The following NFIB variants were observed in gnomAD, a reference collection of about 807,000 sequenced individuals.
NFIB encodes nuclear factor I B.
In NFIB, 11 loss-of-function variants were observed where a neutral mutation model predicts 61.5. The observed-to-expected ratio is 0.18, with a 90% CI of 0.11 to 0.30. The LOEUF (loss-of-function observed/expected upper bound fraction) is 0.30. Among genes scored for constraint, NFIB ranks in the 10% least tolerant of loss-of-function variants. NFIB has a pLI of 1.00. For synonymous variants in NFIB, 260 were observed against 216.5 expected, an observed-to-expected ratio of 1.20 and a Z score of -1.76; for missense variants, 471 against 608.9, an observed-to-expected ratio of 0.77 and a Z score of 2.38.
intron 1 of NFIB, among the ~76,000 whole-genome samples, chr9:14,374,593 A>G (rs917587621): frequency 6.6e-6 from 1 of 152,238 alleles, no homozygotes; most frequent in African/African-American, 2.4e-5. Flanking sequence ...CTAAAAGAAG[A>G]AATGTCTTTT....
chr9:14,433,275 T>A, the NFIB span, among the ~76,000 whole-genome samples: 11 of 152,116 alleles, frequency 7.2e-5, no homozygotes, highest in African/African-American at 2.4e-4. Context: ...TCATTAAAAA[T>A]TTTTTTGCCA....
chr9:14,451,303 G>A, the NFIB span, among the ~76,000 whole-genome samples: 14 of 152,266 alleles, frequency 9.2e-5, no homozygotes, highest in African/African-American at 3.1e-4. Flanking sequence ...TTACATCTTT[G>A]TATACCTGAT....
At chr9:14,203,388 T>C (rs1416699117) in intron 2 of NFIB, among the ~76,000 whole-genome samples, 2 of 152,338 alleles carry the variant, frequency 1.3e-5, no homozygotes, top group Non-Finnish European at 2.9e-5. Flanking sequence ...ACCCGGTTAA[T>C]TGAAAAGTGG....
rs143475531 is a variant in NFIB, at chr9:14,336,597, C to T, written c.109-29077G>A. On this transcript the variant is annotated intron_variant, in intron 1 of 8. Transcript: ENST00000380934. ...CTTCTAGAGATATGCTCTGAAGCTG[C>T]GGTCCATAAGCCTTTTCTGTAAAGG... 5.4e-3 allele frequency among the ~76,000 whole-genome samples: 828 copies of T among 152,298 alleles called. 2 individuals are homozygous for T. The highest frequency in any genetic ancestry group is 8.2e-3 in the Non-Finnish European group (561 of 68,026).
intron 1 of NFIB, among the ~76,000 whole-genome samples, chr9:14,359,724 A>G (rs1158939252): frequency 1.3e-5 from 2 of 152,118 alleles, no homozygotes; most frequent in East Asian, 1.9e-4. Flanking sequence ...GGCAATGGGA[A>G]CTCAGCTTCT....
the NFIB span, among the ~76,000 whole-genome samples, chr9:14,426,014 C>A: frequency 6.6e-6 from 1 of 152,100 alleles, no homozygotes; most frequent in East Asian, 1.9e-4. Context: ...TTTTCCTTAC[C>A]TCTTCCATCT....
At chr9:14,315,472 C>T (rs572601760), upstream of NFIB, among the ~76,000 whole-genome samples, 101 of 147,974 alleles carry the variant, frequency 6.8e-4, no homozygotes, top group Middle Eastern at 3.5e-3. Context: ...GGGCCCGGGG[C>T]GCCGGCGGAA....
intron 1 of NFIB, among the ~76,000 whole-genome samples, chr9:14,345,687 A>G (rs1588342358): frequency 1.3e-5 from 2 of 152,190 alleles, no homozygotes; most frequent in African/African-American, 2.4e-5. Flanking sequence ...CCTCTGCCCC[A>G]TCTCCGTGGA....
At chr9:14,450,735 T>C in the NFIB span, among the ~76,000 whole-genome samples, 1 of 150,166 alleles carries the variant, frequency 6.7e-6, no homozygotes, top group Admixed American at 6.6e-5. Flanking sequence ...GTGATTTTCT[T>C]TTCTTTTATA....
chr9:14,144,564 ACTC>A (rs1426358938), intron 6 of NFIB, among the ~76,000 whole-genome samples: 1 of 152,188 alleles, frequency 6.6e-6, no homozygotes, highest in African/African-American at 2.4e-5. Context: ...TACTTATTGT[ACTC>A]CTACTACGCA....
intron 5 of NFIB, among the ~76,000 whole-genome samples, chr9:14,149,300 T>C (rs557051883): frequency 9.8e-5 from 15 of 152,308 alleles, no homozygotes; most frequent in South Asian, 2.1e-4. Context: ...GAGAATACTT[T>C]AGAAAAATAA....
upstream of NFIB, among the ~76,000 whole-genome samples, chr9:14,315,342 G>C (rs867214880): frequency 5.8e-4 from 88 of 150,978 alleles, 1 homozygote; most frequent in African/African-American, 2.1e-3. Context: ...CTGAGCGGGA[G>C]GACCGGGCCG....
intron 2 of NFIB, among the ~76,000 whole-genome samples, chr9:14,218,775 G>A (rs2051259184): frequency 6.6e-6 from 1 of 152,216 alleles, no homozygotes; most frequent in Non-Finnish European, 1.5e-5. Flanking sequence ...CTTGATCACA[G>A]TGGATGCCTA....
intron 1 of NFIB, among the ~76,000 whole-genome samples, chr9:14,321,752 T>C (rs2060666259): frequency 6.6e-6 from 1 of 152,214 alleles, no homozygotes. Context: ...AATGCATATT[T>C]GCAAATTAGT....
chr9:14,505,913 A>C, the NFIB span, among the ~76,000 whole-genome samples: 1 of 152,250 alleles, frequency 6.6e-6, no homozygotes, highest in African/African-American at 2.4e-5. Context: ...TCTACAAAGT[A>C]AATGATGTAT....
intron 6 of NFIB, 138 bp downstream of exon 6, chr9:14,146,551 A>T (rs1056827793): frequency 7.9e-7 from 1 of 1,270,408 alleles, no homozygotes; most frequent in African/African-American, 1.5e-5. Flanking sequence ...TTATCTCAAA[A>T]ATAATTCTAC....
chr9:14,518,061 T>C, the NFIB span, among the ~76,000 whole-genome samples: 9 of 152,208 alleles, frequency 5.9e-5, no homozygotes, highest in African/African-American at 2.2e-4. Context: ...TTGTTATAAA[T>C]ACACTATAAA....
the NFIB span, among the ~76,000 whole-genome samples, chr9:14,495,525 C>A: frequency 7.1e-6 from 1 of 140,558 alleles, no homozygotes; most frequent in African/African-American, 2.7e-5. Context: ...TGGTCCAAGG[C>A]CTGATTTCCT....
intron 1 of NFIB, among the ~76,000 whole-genome samples, chr9:14,349,818 C>G (rs989611728): frequency 1.3e-5 from 2 of 152,186 alleles, no homozygotes; most frequent in African/African-American, 2.4e-5. Context: ...AGACTTCGAG[C>G]TAAAAGACGG....
Sources: gnomAD v4.1 joint callset for allele counts (sites outside exome capture counted in the v4.1 genomes callset) on GRCh38, gnomAD v4.1.1 for gene constraint, MANE v1.5 for transcripts, NCBI Gene and HGNC (gene_info 2026-07-23, HGNC 2026-07-21) for gene names.